ARL15: variants seen among roughly 807,000 people sequenced by gnomAD.
ARL15 encodes ARF like GTPase 15.
A neutral mutation model predicts 25.2 loss-of-function variants in ARL15; 19 were observed. That is an observed-to-expected ratio of 0.75 (90% CI 0.53 to 1.10). The LOEUF is 1.10. Among genes scored for constraint, ARL15 ranks in the 50% least tolerant of loss-of-function variants. ARL15 has a pLI of 0.00. For synonymous variants in ARL15, 94 were observed against 86.8 expected (o/e 1.08, Z -0.46); for missense variants, 220 against 246.0 (o/e 0.89, Z 0.71).
At chr5:54,169,057 C>T (rs1736817785) in intron 2 of ARL15, among the ~76,000 whole-genome samples, 1 of 152,048 alleles carries the variant, frequency 6.6e-6, no homozygotes, top group African/African-American at 2.4e-5. Context: ...ATTAGCCAAC[C>T]TAACAACTAA....
rs549672494 is a variant in ARL15, at chr5:53,885,753, G to T, written c.*808C>A. 4.6e-5 allele frequency: 7 copies of T among 152,118 alleles called. No individual in the cohort carries two copies. In the East Asian group the frequency reaches 1.4e-3, roughly 29 times the overall value. The allele number at this position is 152,118 out of a possible 1,614,324, so 9.4% of individuals were successfully genotyped here. On this transcript the variant is annotated 3_prime_UTR_variant, in exon 5 of 5. Coordinates refer to ENST00000504924, the MANE Select transcript of ARL15 (RefSeq NM_019087.3). ...CAAACACTTGAAGTTTTTAGAAAAAGATACCTATGTTACATTGCAGCTTCA... is the reference window on the plus strand; with the variant it reads ...CAAACACTTGAAGTTTTTAGAAAAATATACCTATGTTACATTGCAGCTTCA...
chr5:54,134,506 A>T (rs1222076758), intron 3 of ARL15, among the ~76,000 whole-genome samples: 1 of 146,456 alleles, frequency 6.8e-6, no homozygotes, highest in Non-Finnish European at 1.5e-5. Flanking sequence ...ACTCCATTAC[A>T]GTTTTATAAT....
intron 4 of ARL15, among the ~76,000 whole-genome samples, chr5:54,027,363 G>C (rs1005893191): frequency 6.6e-6 from 1 of 152,212 alleles, no homozygotes; most frequent in Non-Finnish European, 1.5e-5. Flanking sequence ...TGAATGGTGA[G>C]ATTCCTCTCT....
At chr5:53,961,809 T>C (rs774365945) in intron 4 of ARL15, among the ~76,000 whole-genome samples, 2 of 152,232 alleles carry the variant, frequency 1.3e-5, no homozygotes, top group Non-Finnish European at 2.9e-5. Flanking sequence ...CATGTATTAA[T>C]TTAATGTATG....
intron 1 of ARL15, among the ~76,000 whole-genome samples, chr5:54,175,672 T>A (rs1355390816): frequency 7.0e-6 from 1 of 142,038 alleles, no homozygotes; most frequent in African/African-American, 2.7e-5. Context: ...TTTTTTTTTT[T>A]AAGACAGTCT....
intron 4 of ARL15, among the ~76,000 whole-genome samples, chr5:53,940,711 GC>G (rs1298336006): frequency 6.6e-6 from 1 of 152,096 alleles, no homozygotes; most frequent in Non-Finnish European, 1.5e-5. Context: ...CTTCACTTAT[GC>G]CCATAACTTC....
chr5:54,307,145 T>A (rs1758779199), intron 1 of ARL15, among the ~76,000 whole-genome samples: 1 of 152,180 alleles, frequency 6.6e-6, no homozygotes, highest in Non-Finnish European at 1.5e-5. Context: ...AAAAGTTGTG[T>A]GCCCTTCTAG....
intron 1 of ARL15, among the ~76,000 whole-genome samples, chr5:54,221,024 C>G (rs563153370): frequency 2.0e-5 from 3 of 151,986 alleles, no homozygotes; most frequent in Admixed American, 6.6e-5. Context: ...TTCTTTCTGC[C>G]GAAAGTCTAA....
intron 4 of ARL15, among the ~76,000 whole-genome samples, chr5:54,001,106 G>A (rs1443600605): frequency 6.6e-6 from 1 of 152,138 alleles, no homozygotes; most frequent in Non-Finnish European, 1.5e-5. Flanking sequence ...TTGAACAATG[G>A]AATTTTTGTT....
intron 2 of ARL15, among the ~76,000 whole-genome samples, chr5:54,159,191 T>C (rs1306072116): frequency 6.6e-6 from 1 of 152,208 alleles, no homozygotes; most frequent in African/African-American, 2.4e-5. Context: ...CATTGCTTTC[T>C]TATTAATGAA....
chr5:54,162,686 G>A (rs1754442869), intron 2 of ARL15, among the ~76,000 whole-genome samples: 1 of 151,812 alleles, frequency 6.6e-6, no homozygotes, highest in Admixed American at 6.6e-5. Context: ...TATTCTTATG[G>A]GCAACATTCT....
intron 3 of ARL15, among the ~76,000 whole-genome samples, chr5:54,140,461 T>C (rs201418543): frequency 4.9e-5 from 6 of 123,480 alleles, no homozygotes; most frequent in Admixed American, 9.0e-5. Context: ...GATAGATAGA[T>C]AGATAGAGAT....
In ARL15 at chr5:53,976,124, T is replaced by C. The variant is rs1255839036; in HGVS notation, c.463-89411A>G. ...GGCACCCTCCAGGTCCCAGATACTA[T>C]GCTATGCAGGCAGCAAAAACACAAA... On this transcript the variant is annotated intron_variant, in intron 4 of 4. Transcript: ENST00000504924. Among the ~76,000 whole-genome samples the C allele has an allele frequency of 2.6e-5, 4 of 152,150 alleles. No individual in the cohort carries two copies. The East Asian group carries it at 7.7e-4, about 29-fold the overall frequency.
intron 4 of ARL15, among the ~76,000 whole-genome samples, chr5:54,056,511 TC>T (rs1242148205): frequency 6.6e-6 from 1 of 151,108 alleles, no homozygotes; most frequent in Non-Finnish European, 1.5e-5. Context: ...GCCCCTGTAG[TC>T]CCAGCTACTC....
At chr5:54,046,998 C>A (rs1425839016) in intron 4 of ARL15, among the ~76,000 whole-genome samples, 1 of 152,150 alleles carries the variant, frequency 6.6e-6, no homozygotes, top group Non-Finnish European at 1.5e-5. Flanking sequence ...CACTGTCATG[C>A]TTCAATCTCT....
rs190590221 is a variant in ARL15, at chr5:54,055,856, A to C, written c.462+57346T>G. Among the ~76,000 whole-genome samples the C allele has an allele frequency of 4.6e-3, 701 of 152,184 alleles. 2 individuals are homozygous for C. The highest frequency in any genetic ancestry group is 7.6e-3 in the Non-Finnish European group (516 of 68,006). ...TATTACACTTGTCACATTGTATTAT[A>C]ATTATCATGTGTATTTCTCCTCCTC... On this transcript the variant is annotated intron_variant, in intron 4 of 4. Coordinates refer to ENST00000504924, the MANE Select transcript of ARL15 (RefSeq NM_019087.3).
chr5:53,917,479 C>T (rs1177231173), intron 4 of ARL15, among the ~76,000 whole-genome samples: 1 of 152,152 alleles, frequency 6.6e-6, no homozygotes, highest in Non-Finnish European at 1.5e-5. Flanking sequence ...GTTTATTAGA[C>T]ATCTACATAT....
chr5:54,148,668 C>T (rs2441026), intron 3 of ARL15, among the ~76,000 whole-genome samples: 66,406 of 151,900 alleles, frequency 0.44, 14,914 homozygotes, highest in Admixed American at 0.52. Flanking sequence ...ATGTCAATTG[C>T]GAAGACACCA....
At chr5:53,999,297 A>G (rs1308963240) in intron 4 of ARL15, among the ~76,000 whole-genome samples, 1 of 152,222 alleles carries the variant, frequency 6.6e-6, no homozygotes, top group Non-Finnish European at 1.5e-5. Flanking sequence ...ATGTTCAAAA[A>G]TAAGTGGAAG....
Sources: allele counts gnomAD v4.1 joint callset (sites outside exome capture counted in the v4.1 genomes callset), GRCh38; gene constraint gnomAD v4.1.1; transcripts MANE v1.5; gene names NCBI Gene and HGNC (gene_info 2026-07-23, HGNC 2026-07-21).